The following ABCA1 variants were observed in gnomAD, a reference collection of about 807,000 sequenced individuals.
ABCA1 encodes the protein ATP binding cassette subfamily A member 1.
Under a neutral mutation model 262.5 loss-of-function variants are expected in ABCA1, and 133 were observed. The observed-to-expected ratio is 0.51, with a 90% CI of 0.44 to 0.59. The LOEUF is 0.59. Ranked by LOEUF, ABCA1 falls within the 20% of genes least tolerant of loss-of-function variation. ABCA1 has a pLI of 0.00. For synonymous variants in ABCA1, 1,022 were observed against 1,043.5 expected, an observed-to-expected ratio of 0.98 and a Z score of 0.40; for missense variants, 2,452 against 2,777.5, an observed-to-expected ratio of 0.88 and a Z score of 2.63.
intron 20 of ABCA1, 42 bp downstream of exon 20, chr9:104,821,333 C>CGTGT: frequency 6.2e-7 from 1 of 1,609,578 alleles, no homozygotes; most frequent in Non-Finnish European, 8.5e-7. Context: ...GACACACACA[C>CGTGT]ATCCAGAAAA....
chr9:104,784,160 G>T lies in ABCA1; in HGVS notation c.*155C>A. ...CCTGTAATGGAATTTTGTTTTCATT[G>T]CATTGAATTGCATTGCATTGAATAG... On this transcript the variant is annotated 3_prime_UTR_variant, in exon 50 of 50. Transcript: ENST00000374736. 2.1e-6 allele frequency: 2 copies of T among 938,362 alleles called. No individual in the cohort carries two copies. The highest frequency in any genetic ancestry group is 2.3e-4 in the Middle Eastern group (1 of 4,354). 58.1% of individuals were successfully genotyped at this position (938,362 alleles called of 1,614,324 possible).
At chr9:104,806,202 G>C in intron 31 of ABCA1, 39 bp downstream of exon 31, 1 of 1,598,770 alleles carries the variant, frequency 6.3e-7, no homozygotes, top group Non-Finnish European at 8.6e-7. Context: ...AGCCCATCCT[G>C]CACCCCTTCT....
In ABCA1 at chr9:104,785,524, G is replaced by A. The variant is rs768037345; in HGVS notation, c.6517C>T (p.Arg2173Trp). The A allele has an allele frequency of 2.2e-5, 36 of 1,613,476 alleles. No homozygotes were observed. The highest frequency in any genetic ancestry group is 5.5e-5 in the South Asian group (5 of 91,068). Residue 2173 changes from arginine (R) to tryptophan (W), a missense_variant, in exon 49 of 50, where the codon CGG becomes TGG. Around this residue, in one of 4 missense-constraint regions of ABCA1, gnomAD observed 752 missense variants for 944.5 expected, o/e 0.80. Coordinates refer to ENST00000374736, the MANE Select transcript of ABCA1 (RefSeq NM_005502.4). ...FPGSVLKEKHRNMLQYQLPSS... is the reference protein window; with the variant it reads ...FPGSVLKEKHWNMLQYQLPSS... ...GGAAGCTGGTATTGTAGCATGTTCC[G>A]GTGTTTCTCTTTTAGAACACTTCCA...
chr9:104,904,039 G>A (rs903261283), intron 1 of ABCA1, among the ~76,000 whole-genome samples: 1 of 152,214 alleles, frequency 6.6e-6, no homozygotes, highest in African/African-American at 2.4e-5. Flanking sequence ...ATCTGGGAAT[G>A]AAGAATGCAT....
In ABCA1 at chr9:104,830,993, C is replaced by T; in HGVS notation, c.1824G>A (p.Leu608=). 6.2e-7 allele frequency: 1 copy of T among 1,614,046 alleles called. No individual in the cohort carries two copies. The highest frequency in any genetic ancestry group is 8.5e-7 in the Non-Finnish European group (1 of 1,180,004). ...CACCAGTTTTCTTCTCGGTGCCCGTCAGCACCCTGATGATTGCCTGCTCCA... is the reference window on the plus strand; with the variant it reads ...CACCAGTTTTCTTCTCGGTGCCCGTTAGCACCCTGATGATTGCCTGCTCCA... ...DVVEQAIIRV[L]TGTEKKTGVY... Residue 608 remains leucine (L), a synonymous_variant, in exon 14 of 50, where the codon CTG becomes CTA. Transcript: ENST00000374736.
intron 29 of ABCA1, 110 bp from the exon 30 acceptor site, chr9:104,809,674 G>C: frequency 2.0e-6 from 2 of 1,001,314 alleles, no homozygotes; most frequent in Non-Finnish European, 1.5e-6. Context: ...TCTGTGACAG[G>C]CTCTTAAAAC....
At chr9:104,883,204 G>C (rs1401821139) in intron 4 of ABCA1, 47 bp from the exon 5 acceptor site, 2 of 1,488,426 alleles carry the variant, frequency 1.3e-6, no homozygotes, top group Non-Finnish European at 1.9e-6. Context: ...TAGGCCAACT[G>C]CCTCTGCTGC....
At chr9:104,855,812 A>C in intron 7 of ABCA1, 1 of 1,596,710 alleles carries the variant, frequency 6.3e-7, no homozygotes, top group Non-Finnish European at 8.5e-7. Context: ...CCATGTTGCC[A>C]AAACACTGCT....
At chr9:104,787,865 G>A in intron 46 of ABCA1, 55 bp downstream of exon 46, 15 of 1,613,830 alleles carry the variant, frequency 9.3e-6, no homozygotes, top group Non-Finnish European at 1.3e-5. Context: ...CTTTTGAACA[G>A]TCATGTTTTC....
intron 5 of ABCA1, among the ~76,000 whole-genome samples, chr9:104,865,515 C>CAAA (rs925876847): frequency 6.0e-5 from 4 of 66,958 alleles, no homozygotes; most frequent in African/African-American, 1.6e-4. Flanking sequence ...GACTCTGTCT[C>CAAA]AAAAAAAAAA....
chr9:104,870,326 G>A (rs1321997447), intron 5 of ABCA1, among the ~76,000 whole-genome samples: 10 of 152,224 alleles, frequency 6.6e-5, no homozygotes, highest in Non-Finnish European at 1.2e-4. Context: ...CAAAAGAGGC[G>A]CTGTGTAACA....
chr9:104,839,086 C>T, intron 9 of ABCA1, among the ~76,000 whole-genome samples: 1 of 152,106 alleles, frequency 6.6e-6, no homozygotes, highest in Non-Finnish European at 1.5e-5. Flanking sequence ...AGAAAGGTTC[C>T]CCTGCATCAA....
chr9:104,859,741 G>A (rs898188970), intron 6 of ABCA1, among the ~76,000 whole-genome samples: 2 of 152,174 alleles, frequency 1.3e-5, no homozygotes, highest in African/African-American at 4.8e-5. Flanking sequence ...CCTACAGTTA[G>A]TGTCTATGTT....
intron 48 of ABCA1, 98 bp from the exon 49 acceptor site, chr9:104,785,737 G>A (rs149672218): frequency 6.5e-5 from 97 of 1,482,390 alleles, no homozygotes; most frequent in East Asian, 4.5e-4. Flanking sequence ...GAAAAAGGGC[G>A]GCCCCTGGCA....
rs1174139998 is a variant in ABCA1, at chr9:104,817,211, A to G, written c.3535+121T>C. 3.4e-5 allele frequency: 54 copies of G among 1,586,270 alleles called. No homozygotes were observed. The highest frequency in any genetic ancestry group is 4.2e-5 in the Non-Finnish European group (49 of 1,169,404). On this transcript the variant is annotated intron_variant, in intron 24 of 49. Coordinates refer to ENST00000374736, the MANE Select transcript of ABCA1 (RefSeq NM_005502.4). The surrounding 1 kb of genome is among the most constrained non-coding windows in gnomAD (Gnocchi z 4.7). ...CCCACACCCGCAGCCACCCAGCCCC[A>G]GCCCAGCAGCAAACCTTGAGTCAGC... is the stretch of plus-strand genomic sequence containing the variant.
In ABCA1 at chr9:104,845,479, C is replaced by T. The variant is rs766885355; in HGVS notation, c.811G>A (p.Glu271Lys). ...LLHSLGTLAQ[E>K]LFSMRSWSDM... ...GGTACTGGAAAGACACAACTTACCTCCTGGGCCAGAGTCCCAAGACTATGC... is the reference window on the plus strand; with the variant it reads ...GGTACTGGAAAGACACAACTTACCTTCTGGGCCAGAGTCCCAAGACTATGC... The change falls in exon 8 of 50, where the codon GAG becomes AAG. Residue 271 changes from glutamate to lysine, a missense_variant and splice_region_variant. Coordinates refer to ENST00000374736, the MANE Select transcript of ABCA1 (RefSeq NM_005502.4). The T allele has an allele frequency of 1.2e-6, 2 of 1,612,700 alleles. No individual in the cohort carries two copies. Among genetic ancestry groups the T allele is most frequent in the East Asian group, 4.5e-5 (2 of 44,882 alleles).
At position 104,895,110 on chromosome 9, in the gene ABCA1, A is replaced by C. The variant is rs537095014; in HGVS notation, c.67-5915T>G. 5.9e-5 allele frequency among the ~76,000 whole-genome samples: 9 copies of C among 152,346 alleles called. No homozygotes were observed. In the East Asian group the frequency reaches 1.7e-3, roughly 29 times the overall value. On this transcript the variant is annotated intron_variant, in intron 2 of 49. Transcript: ENST00000374736. The stretch of plus-strand genomic sequence containing the variant: ...GAAATGAAGTTGATCCTTTACCATT[A>C]TAAATTCCTACAGAAAACTCTTCTA...
At position 104,784,322 on chromosome 9, in the gene ABCA1, T is replaced by C; in HGVS notation, c.6779A>G (p.Tyr2260Cys). 2 of 1,614,134 alleles carry C rather than the reference T, an allele frequency of 1.2e-6. No individual in the cohort carries two copies. The highest frequency in any genetic ancestry group is 1.7e-4 in the Middle Eastern group (1 of 6,060). Residue 2260 changes from tyrosine (Y) to cysteine (C), a missense_variant, in exon 50 of 50, where the codon TAT (tyrosine) becomes TGT (cysteine). Tyr to Cys is a radical substitution (Grantham distance 194). Coordinates refer to ENST00000374736, the MANE Select transcript of ABCA1 (RefSeq NM_005502.4). ...FLQDEKVKES[Y>C]V ...CCGTATGAACAGGATTCTTCATACA[T>C]AGCTTTCTTTCACTTTCTCATCCTG...
At chr9:104,808,481 C>T (rs1470501857) in intron 30 of ABCA1, among the ~76,000 whole-genome samples, 1 of 152,210 alleles carries the variant, frequency 6.6e-6, no homozygotes, top group Non-Finnish European at 1.5e-5. Flanking sequence ...CCTTCTCTAT[C>T]CTTGTCATCT....
Sources: gnomAD v4.1 joint callset for allele counts (sites outside exome capture counted in the v4.1 genomes callset) on GRCh38, gnomAD v4.1.1 for gene constraint, gnomAD v4.1.1 regional missense constraint, Gnocchi (gnomAD v3.1) non-coding constraint, MANE v1.5 for transcripts, NCBI Gene and HGNC (gene_info 2026-07-23, HGNC 2026-07-21) for gene names.